CABLES1: variants seen among roughly 807,000 people sequenced by gnomAD.
The protein encoded by CABLES1 is Cdk5 and Abl enzyme substrate 1.
A neutral mutation model predicts 57.8 loss-of-function variants in CABLES1; 36 were observed. That is an observed-to-expected ratio of 0.62 (90% CI 0.48 to 0.82). CABLES1 has a LOEUF of 0.82. CABLES1 is among the 40% of genes least tolerant of loss of function. The pLI, the probability that CABLES1 is intolerant of heterozygous loss-of-function variation, is 0.00. For missense variants in CABLES1, 767 were observed against 836.6 expected, an observed-to-expected ratio of 0.92 and a Z score of 1.03; for synonymous variants, 374 against 363.0, an observed-to-expected ratio of 1.03 and a Z score of -0.35.
chr18:23,244,183 C>T (rs1043656405), intron 7 of CABLES1, among the ~76,000 whole-genome samples: 15 of 152,178 alleles, frequency 9.9e-5, no homozygotes, highest in Non-Finnish European at 1.6e-4. Flanking sequence ...GGCCAGTCAC[C>T]TGGTGTCATC....
intron 4 of CABLES1, among the ~76,000 whole-genome samples, chr18:23,221,508 C>G (rs936071850): frequency 6.6e-6 from 1 of 152,138 alleles, no homozygotes; most frequent in African/African-American, 2.4e-5. Flanking sequence ...TTTCAGGTAC[C>G]TTACAGGATT....
intron 1 of CABLES1, among the ~76,000 whole-genome samples, chr18:23,177,943 A>T (rs2047136725): frequency 1.3e-5 from 2 of 152,150 alleles, no homozygotes; most frequent in East Asian, 3.9e-4. Flanking sequence ...CCTGGATTTG[A>T]TTCCTTGGAG....
intron 3 of CABLES1, among the ~76,000 whole-genome samples, chr18:23,210,859 T>C (rs770374353): frequency 3.3e-5 from 5 of 152,084 alleles, no homozygotes; most frequent in African/African-American, 9.7e-5. Context: ...TGAGGGTCTA[T>C]GAAATGATTG....
At chr18:23,255,970 A>G (rs538058751) in intron 9 of CABLES1, among the ~76,000 whole-genome samples, 2 of 152,344 alleles carry the variant, frequency 1.3e-5, no homozygotes, top group Admixed American at 6.5e-5. Context: ...ACTTTACCTT[A>G]TTCAAGGTGC....
chr18:23,145,339 C>G (rs112369610), intron 1 of CABLES1, among the ~76,000 whole-genome samples: 1 of 151,538 alleles, frequency 6.6e-6, no homozygotes, highest in Non-Finnish European at 1.5e-5. Flanking sequence ...GTGATCCACC[C>G]GTCTCGGCCT....
chr18:23,213,473 T>C (rs905747802), intron 3 of CABLES1, among the ~76,000 whole-genome samples: 2 of 152,212 alleles, frequency 1.3e-5, no homozygotes, highest in Non-Finnish European at 2.9e-5. Context: ...ATGTAATTGT[T>C]CCCTTAATCT....
upstream of CABLES1, among the ~76,000 whole-genome samples, chr18:23,135,214 G>C (rs140737008): frequency 1.8e-3 from 268 of 152,164 alleles, 1 homozygote; most frequent in Non-Finnish European, 3.1e-3. Context: ...GCGGCCCCGG[G>C]AGTCGCCAAC....
At position 23,161,653 on chromosome 18, in the gene CABLES1, G is replaced by A. The variant is rs193055572; in HGVS notation, c.845+25046G>A. Among the ~76,000 whole-genome samples the A allele has an allele frequency of 5.3e-3, 798 of 150,280 alleles. 27 individuals are homozygous for A. Among genetic ancestry groups the A allele is most frequent in the Admixed American group, 0.049 (731 of 14,962 alleles). ...GGGCCGGGTGCAGTGGCTCATGCCC[G>A]TAATCCCAGCACTTTGGGAGGCCGA... is the stretch of plus-strand genomic sequence containing the variant. On this transcript the variant is annotated intron_variant, in intron 1 of 9. Transcript: ENST00000256925.
intron 1 of CABLES1, among the ~76,000 whole-genome samples, chr18:23,162,950 T>A (rs2047015110): frequency 1.3e-5 from 2 of 152,140 alleles, no homozygotes; most frequent in African/African-American, 4.8e-5. Flanking sequence ...AAGTTAGAGT[T>A]AGCTCACTCT....
intron 3 of CABLES1, among the ~76,000 whole-genome samples, chr18:23,195,271 G>C (rs779294400): frequency 6.6e-6 from 1 of 152,168 alleles, no homozygotes; most frequent in Admixed American, 6.5e-5. Flanking sequence ...GGGGTCCCTG[G>C]TGCTGTGTAA....
At chr18:23,162,780 C>G in intron 1 of CABLES1, among the ~76,000 whole-genome samples, 1 of 152,104 alleles carries the variant, frequency 6.6e-6, no homozygotes, top group East Asian at 1.9e-4. Context: ...GTTCCAAGGC[C>G]ATGTGGTGTA....
intron 3 of CABLES1, among the ~76,000 whole-genome samples, chr18:23,204,981 T>C (rs2047352278): frequency 6.6e-6 from 1 of 152,088 alleles, no homozygotes; most frequent in Non-Finnish European, 1.5e-5. Flanking sequence ...GGCAGTTCTG[T>C]TTTAATCTTC....
intron 4 of CABLES1, among the ~76,000 whole-genome samples, chr18:23,232,526 C>T (rs1440163489): frequency 6.6e-6 from 1 of 152,216 alleles, no homozygotes; most frequent in Non-Finnish European, 1.5e-5. Context: ...TTCATCATCT[C>T]CATCCTTAAT....
Position 23,253,428 on chromosome 18 carries a change from A to G in CABLES1, c.1554-301A>G, listed in dbSNP as rs969144961. 3.9e-5 allele frequency among the ~76,000 whole-genome samples: 6 copies of G among 152,372 alleles called. No homozygotes were observed. The South Asian group carries it at 1.2e-3, about 32-fold the overall frequency. On this transcript the variant is annotated intron_variant, in intron 8 of 9. Coordinates refer to ENST00000256925, the MANE Select transcript of CABLES1 (RefSeq NM_001100619.3). ...AACCCAGGAGGTGGAGGTTGCAGTG[A>G]GCCAAGATCGTGCCACTGCACTCCA...
At position 23,214,055 on chromosome 18, in the gene CABLES1, G is replaced by A. The variant is rs1265977204; in HGVS notation, c.1088+1G>A. The A allele has an allele frequency of 1.2e-6, 2 of 1,605,566 alleles. No individual in the cohort carries two copies. The highest frequency in any genetic ancestry group is 3.3e-5 in the Admixed American group (2 of 59,802). ...CGTATCGCGACAGTACCCAAGTCGG[G>A]TATGTATATGCATGCATGCTTTGTA... is the stretch of plus-strand genomic sequence containing the variant. On this transcript the variant is annotated splice_donor_variant, in intron 4 of 9. Transcript: ENST00000256925. LOFTEE classifies it high-confidence loss of function.
chr18:23,217,917 GGC>G, intron 4 of CABLES1, among the ~76,000 whole-genome samples: 1 of 152,252 alleles, frequency 6.6e-6, no homozygotes, highest in Admixed American at 6.5e-5. Flanking sequence ...CCCCACACCT[GGC>G]AGAGTCAGCA....
Position 23,135,562 on chromosome 18 carries a change from G to C in CABLES1, c.-201G>C. 6.0e-6 allele frequency: 1 copy of C among 167,924 alleles called. No homozygotes were observed. The highest frequency in any genetic ancestry group is 1.2e-5 in the Non-Finnish European group (1 of 83,032). The allele number at this position is 167,924 out of a possible 1,614,324, so 10.4% of individuals were successfully genotyped here. A position where few individuals can be genotyped will look rare whatever the true frequency, so the allele number is the denominator to read the frequency against. ...CCGAGCTAGGTAGCGAGGCGTGCGCGTGGGCCGGGGCGGCGGCGCCCCCAT... is the reference window on the plus strand; with the variant it reads ...CCGAGCTAGGTAGCGAGGCGTGCGCCTGGGCCGGGGCGGCGGCGCCCCCAT... On this transcript the variant is annotated 5_prime_UTR_variant, in exon 1 of 10. Transcript: ENST00000256925.
chr18:23,242,195 T>C (rs2047752744), intron 7 of CABLES1, among the ~76,000 whole-genome samples: 1 of 152,140 alleles, frequency 6.6e-6, no homozygotes, highest in Non-Finnish European at 1.5e-5. Context: ...GGAGAATCGC[T>C]TGAACCCAGG....
intron 9 of CABLES1, among the ~76,000 whole-genome samples, chr18:23,254,681 CCTTGCTCATGGGCATCTT>C (rs2048120312): frequency 6.6e-6 from 1 of 152,152 alleles, no homozygotes; most frequent in Admixed American, 6.6e-5. Flanking sequence ...AGGTTCCTCT[CCTTGCTCATGGGCATCTT>C]CTTGCCCATC....
Sources: allele counts gnomAD v4.1 joint callset (sites outside exome capture counted in the v4.1 genomes callset), GRCh38; gene constraint gnomAD v4.1.1; transcripts MANE v1.5; gene names NCBI Gene and HGNC (gene_info 2026-07-23, HGNC 2026-07-21).